CLRN1: variants seen among roughly 807,000 people sequenced by gnomAD.
CLRN1 encodes the protein clarin-1.
In CLRN1, 15 loss-of-function variants were observed where a neutral mutation model predicts 18.7. The observed-to-expected ratio is 0.80, with a 90% CI of 0.54 to 1.23. The LOEUF (loss-of-function observed/expected upper bound fraction) is 1.23. Among genes scored for constraint, CLRN1 ranks in the 50% most tolerant of loss-of-function variants. The probability of loss-of-function intolerance (pLI) is 0.00; values close to 1 mark genes in which losing one functional copy is unlikely to be tolerated. For missense variants in CLRN1, 311 were observed against 277.5 expected (o/e 1.12, Z -0.86); for synonymous variants, 104 against 102.9 (o/e 1.01, Z -0.07).
intron 1 of CLRN1, among the ~76,000 whole-genome samples, chr3:150,970,933 G>A (rs1159645544): frequency 1.3e-5 from 2 of 152,206 alleles, no homozygotes; most frequent in African/African-American, 4.8e-5. Flanking sequence ...TGCTTAGTAT[G>A]TAGTAAGTGT....
intron 1 of CLRN1, among the ~76,000 whole-genome samples, chr3:150,947,129 ATGGATGGC>A (rs1056997597): frequency 3.9e-5 from 6 of 152,156 alleles, no homozygotes; most frequent in African/African-American, 1.4e-4. Flanking sequence ...ATACGGATGA[ATGGATGGC>A]TGGATGGCTG....
chr3:150,960,492 T>C (rs1282700035), intron 1 of CLRN1, among the ~76,000 whole-genome samples: 1 of 152,184 alleles, frequency 6.6e-6, no homozygotes, highest in African/African-American at 2.4e-5. Context: ...TCTTTTACTT[T>C]TTTTTTCCTG....
chr3:150,936,788 T>C (rs563985866), intron 2 of CLRN1, among the ~76,000 whole-genome samples: 12 of 152,200 alleles, frequency 7.9e-5, no homozygotes, highest in Non-Finnish European at 1.6e-4. Flanking sequence ...ATTTTTTCCT[T>C]GTGCCATTTC....
At chr3:150,957,399 C>A (rs1714796827) in intron 1 of CLRN1, among the ~76,000 whole-genome samples, 1 of 152,104 alleles carries the variant, frequency 6.6e-6, no homozygotes, top group Non-Finnish European at 1.5e-5. Flanking sequence ...CCTTCAGGGA[C>A]CTCCCTTCCC....
chr3:150,946,730 CTTTTTATT>C, intron 1 of CLRN1, among the ~76,000 whole-genome samples: 1 of 120,764 alleles, frequency 8.3e-6, no homozygotes, highest in South Asian at 2.6e-4. Context: ...TCTTTTTTCA[CTTTTTATT>C]TTTTTATTTT....
intron 1 of CLRN1, among the ~76,000 whole-genome samples, chr3:150,966,197 C>T (rs1030261083): frequency 6.6e-6 from 1 of 152,046 alleles, no homozygotes; most frequent in Admixed American, 6.6e-5. Flanking sequence ...GCCTGTGGTC[C>T]CTTCTACTCA....
chr3:150,935,309 A>G (rs1713407859), intron 2 of CLRN1, among the ~76,000 whole-genome samples: 1 of 95,426 alleles, frequency 1.0e-5, no homozygotes. Flanking sequence ...CCCACCCCAC[A>G]ACAGTCCCCA....
At chr3:150,929,800 C>G (rs1379892000) in intron 2 of CLRN1, among the ~76,000 whole-genome samples, 1 of 152,242 alleles carries the variant, frequency 6.6e-6, no homozygotes, top group Non-Finnish European at 1.5e-5. Context: ...CACCCCATAT[C>G]AGGGACACCT....
intron 2 of CLRN1, chr3:150,940,525 G>A: frequency 6.5e-7 from 1 of 1,534,404 alleles, no homozygotes; most frequent in Non-Finnish European, 8.7e-7. Context: ...GGCAACTTCA[G>A]GAGAAAAAGA....
intron 1 of CLRN1, chr3:150,945,713 T>C: frequency 9.0e-7 from 1 of 1,113,508 alleles, no homozygotes. Context: ...CATTAAAACT[T>C]TGAGATACCA....
chr3:150,970,336 G>A (rs1386163316), intron 1 of CLRN1, among the ~76,000 whole-genome samples: 1 of 152,154 alleles, frequency 6.6e-6, no homozygotes, highest in African/African-American at 2.4e-5. Flanking sequence ...GCGTTGCAAT[G>A]GGAGTGTAAA....
chr3:150,948,606 T>A (rs1244848582), intron 1 of CLRN1, among the ~76,000 whole-genome samples: 1 of 149,462 alleles, frequency 6.7e-6, no homozygotes, highest in Non-Finnish European at 1.5e-5. Flanking sequence ...CTAGAAAACC[T>A]AGAAGAGCTA....
upstream of CLRN1, chr3:150,972,831 G>A (rs1369025120): frequency 7.3e-6 from 10 of 1,374,622 alleles, no homozygotes; most frequent in Non-Finnish European, 1.0e-5. Context: ...AGCTGAAAAG[G>A]CAACTTCACC....
At chr3:150,961,567 A>G (rs558125745) in intron 1 of CLRN1, among the ~76,000 whole-genome samples, 1 of 152,280 alleles carries the variant, frequency 6.6e-6, no homozygotes, top group East Asian at 1.9e-4. Flanking sequence ...TGGTGCCGCA[A>G]TTTCTTCCTA....
At position 150,928,123 on chromosome 3, in the gene CLRN1, T is replaced by A. The variant is rs1331397161; in HGVS notation, c.512A>T (p.Tyr171Phe). ...TTTGTAGACATAAGTCCCTTCTTTATAATTTGCAATTTTTTCTGAGAGGTG... is the reference window on the plus strand; with the variant it reads ...TTTGTAGACATAAGTCCCTTCTTTAAAATTTGCAATTTTTTCTGAGAGGTG... ...IHHLSEKIANYKEGTYVYKTQ... is the reference protein window; with the variant it reads ...IHHLSEKIANFKEGTYVYKTQ... Residue 171 changes from tyrosine to phenylalanine, a missense_variant, in exon 3 of 3, where the codon TAT (tyrosine) becomes TTT (phenylalanine). By Grantham distance (22) the Tyr-to-Phe change is conservative. Coordinates refer to ENST00000327047, the MANE Select transcript of CLRN1 (RefSeq NM_174878.3). 1 of 1,613,580 alleles carries A rather than the reference T, an allele frequency of 6.2e-7. No homozygotes were observed. The highest frequency in any genetic ancestry group is 1.7e-5 in the Admixed American group (1 of 59,872).
intron 1 of CLRN1, among the ~76,000 whole-genome samples, chr3:150,960,273 A>G (rs895706715): frequency 1.3e-5 from 2 of 152,180 alleles, no homozygotes; most frequent in African/African-American, 4.8e-5. Flanking sequence ...CATCATGAGA[A>G]GAGCAGAAGG....
intron 1 of CLRN1, among the ~76,000 whole-genome samples, chr3:150,956,160 C>G (rs576395299): frequency 6.6e-6 from 1 of 152,286 alleles, no homozygotes; most frequent in African/African-American, 2.4e-5. Flanking sequence ...AGGAACATCT[C>G]TAAGCACACA....
At chr3:150,952,233 C>T (rs1714526233) in intron 1 of CLRN1, among the ~76,000 whole-genome samples, 1 of 152,140 alleles carries the variant, frequency 6.6e-6, no homozygotes, top group South Asian at 2.1e-4. Context: ...CGGTAGAAAC[C>T]GCACTTTGAG....
intron 1 of CLRN1, among the ~76,000 whole-genome samples, chr3:150,964,671 A>G (rs1452868482): frequency 6.6e-6 from 1 of 152,238 alleles, no homozygotes; most frequent in East Asian, 1.9e-4. Flanking sequence ...CCCATCAATG[A>G]TAGACTAGAT....
Sources: allele counts gnomAD v4.1 joint callset (sites outside exome capture counted in the v4.1 genomes callset), GRCh38; gene constraint gnomAD v4.1.1; transcripts MANE v1.5; gene names NCBI Gene and HGNC (gene_info 2026-07-23, HGNC 2026-07-21).